The following WFS1 variants were observed in gnomAD, a reference collection of about 807,000 sequenced individuals.
WFS1 encodes wolframin ER transmembrane glycoprotein, also known as wolframin.
WFS1 carries 90 observed loss-of-function variants against 68.5 expected under a neutral mutation model. That is an observed-to-expected ratio of 1.31 (90% CI 1.11 to 1.56). The LOEUF (loss-of-function observed/expected upper bound fraction) is 1.56, where lower values mean the gene tolerates loss of function less well. WFS1 is among the 40% of genes most tolerant of loss of function. The pLI, the probability that WFS1 is intolerant of heterozygous loss-of-function variation, is 0.00. For missense variants in WFS1, 1,767 were observed against 1,232.6 expected, an observed-to-expected ratio of 1.43 and a Z score of -6.49; for synonymous variants, 860 against 540.7, an observed-to-expected ratio of 1.59 and a Z score of -8.19.
At chr4:6,288,697 A>T in intron 3 of WFS1, 3 of 464,892 alleles carry the variant, frequency 6.5e-6, no homozygotes, top group Non-Finnish European at 8.0e-6. Context: ...GAGCCTTGGC[A>T]GGCAGGAGCA....
intron 7 of WFS1, among the ~76,000 whole-genome samples, chr4:6,299,033 CCAGGCCCCTGGCA>C (rs1730743316): frequency 6.6e-6 from 1 of 152,236 alleles, no homozygotes; most frequent in Admixed American, 6.5e-5. Flanking sequence ...TGGTGTTGGT[CCAGGCCCCTGGCA>C]CTTCTGAAGA....
intron 6 of WFS1, chr4:6,294,625 C>G (rs1039019654): frequency 3.1e-6 from 1 of 319,846 alleles, no homozygotes; most frequent in Non-Finnish European, 6.2e-6. Context: ...TACTGCCCTA[C>G]AGGGCGGCTT....
chr4:6,292,143 G>C, intron 6 of WFS1, 146 bp downstream of exon 6: 2 of 836,078 alleles, frequency 2.4e-6, no homozygotes, highest in South Asian at 1.5e-5. Context: ...TCTCCTTCCT[G>C]TGCGACCCCA....
At chr4:6,282,959 C>T (rs991802398) in intron 2 of WFS1, among the ~76,000 whole-genome samples, 9 of 152,208 alleles carry the variant, frequency 5.9e-5, no homozygotes, top group Admixed American at 1.3e-4. Flanking sequence ...TACTGTCCAG[C>T]GTCGTAGTGG....
intron 7 of WFS1, among the ~76,000 whole-genome samples, chr4:6,298,937 G>A (rs1221997402): frequency 6.6e-6 from 1 of 152,246 alleles, no homozygotes; most frequent in South Asian, 2.1e-4. Flanking sequence ...CAGCCTGGAT[G>A]TGTCATGTAG....
rs1252460131 is a variant in WFS1, at chr4:6,301,878, G to A, written c.2083G>A (p.Gly695Ser). 3.1e-6 allele frequency: 5 copies of A among 1,612,896 alleles called. No homozygotes were observed. The highest frequency in any genetic ancestry group is 4.2e-6 in the Non-Finnish European group (5 of 1,179,814). The change falls in exon 8 of 8, where the codon GGC (glycine) becomes AGC (serine). Residue 695 changes from glycine (G) to serine (S), a missense_variant. Gly to Ser is a moderately conservative substitution (Grantham distance 56). Transcript: ENST00000226760. ...CCAGATCCTCTGCAGCCACCTGGAG[G>A]GCCACAGGGTCACGTGGACCGGCCG... ...RTQILCSHLE[G>S]HRVTWTGRFK...
intron 2 of WFS1, among the ~76,000 whole-genome samples, chr4:6,286,451 C>T (rs983976985): frequency 6.6e-6 from 1 of 152,200 alleles, no homozygotes; most frequent in Non-Finnish European, 1.5e-5. Context: ...TCTTGGACTT[C>T]CCAGTCTCCA....
In WFS1 at chr4:6,301,847, G is replaced by T. The variant is rs71539668; in HGVS notation, c.2052G>T (p.Ala684=). 1 of 1,612,974 alleles carries T rather than the reference G, an allele frequency of 6.2e-7. No homozygotes were observed. The highest frequency in any genetic ancestry group is 8.5e-7 in the Non-Finnish European group (1 of 1,179,950). ...GCGCCTGGAAGGAGACCAACATGGC[G>T]CGCACCCAGATCCTCTGCAGCCACC... ...GPRAWKETNM[A]RTQILCSHLE... Residue 684 remains alanine, a synonymous_variant, in exon 8 of 8, where the codon GCG becomes GCT. Transcript: ENST00000226760.
At chr4:6,295,854 C>T (rs546114107) in intron 7 of WFS1, among the ~76,000 whole-genome samples, 4 of 152,304 alleles carry the variant, frequency 2.6e-5, no homozygotes, top group East Asian at 1.9e-4. Flanking sequence ...TGGCCTCTCA[C>T]AGAGTTGCTC....
chr4:6,285,098 G>T (rs928269762), intron 2 of WFS1, among the ~76,000 whole-genome samples: 4 of 151,892 alleles, frequency 2.6e-5, no homozygotes, highest in South Asian at 4.2e-4. Context: ...TGCCATCTCT[G>T]AGCAGCGTCC....
At position 6,299,485 on chromosome 4, in the gene WFS1, TG is replaced by T. The variant is rs1458683619; in HGVS notation, c.862-1171del. Among the ~76,000 whole-genome samples, 80 of 143,072 alleles carry T rather than the reference TG, an allele frequency of 5.6e-4. 2 individuals carry two copies. The highest frequency in any genetic ancestry group is 2.0e-3 in the African/African-American group (71 of 36,394). The allele number at this position is 143,072 out of a possible 152,430, so 93.9% of individuals were successfully genotyped here. Reference sequence around the variant, plus strand: ...GTGAGGGTGCACGTGTGGGGGTGGGTGTGCACGTGTGTGTAGGGGTGGGTTG... The same window carrying T: ...GTGAGGGTGCACGTGTGGGGGTGGGTTGCACGTGTGTGTAGGGGTGGGTTG... On this transcript the variant is annotated intron_variant, in intron 7 of 7. Coordinates refer to ENST00000226760, the MANE Select transcript of WFS1 (RefSeq NM_006005.3).
intron 7 of WFS1, among the ~76,000 whole-genome samples, chr4:6,299,991 A>C (rs1451814230): frequency 6.6e-6 from 1 of 151,790 alleles, no homozygotes; most frequent in Non-Finnish European, 1.5e-5. Flanking sequence ...GTACGGGCAG[A>C]AGGTGGCCTG....
Position 6,292,724 on chromosome 4 carries a change from C to T in WFS1, c.712+727C>T, listed in dbSNP as rs538568321. 2.0e-5 allele frequency among the ~76,000 whole-genome samples: 3 copies of T among 152,256 alleles called. No individual in the cohort carries two copies. In the East Asian group the frequency reaches 5.8e-4, roughly 29 times the overall value. On this transcript the variant is annotated intron_variant, in intron 6 of 7. Coordinates refer to ENST00000226760, the MANE Select transcript of WFS1 (RefSeq NM_006005.3). ...ATCAATGGGGGGATGGGCCAAGACC[C>T]AGGTCTGCCACAGACTCTTCTTGTG...
rs759503452 is a variant in WFS1, at chr4:6,301,321, T to G, written c.1526T>G (p.Val509Gly). The G allele has an allele frequency of 5.6e-6, 9 of 1,611,674 alleles. No individual in the cohort carries two copies. The East Asian group carries it at 2.0e-4, about 36-fold the overall frequency. The change falls in exon 8 of 8, where the codon GTC becomes GGC. Residue 509 changes from valine (V) to glycine (G), a missense_variant. Val to Gly is a moderately radical substitution (Grantham distance 109). Coordinates refer to ENST00000226760, the MANE Select transcript of WFS1 (RefSeq NM_006005.3). ...LNVSVPCLLYVYLLYLFFRMA... is the reference protein window; with the variant it reads ...LNVSVPCLLYGYLLYLFFRMA... ...GTCAGCGTCCCGTGCCTGCTCTATG[T>G]CTACCTGCTCTATCTCTTCTTCCGC...
At chr4:6,285,300 G>A (rs1044022711) in intron 2 of WFS1, among the ~76,000 whole-genome samples, 10 of 151,260 alleles carry the variant, frequency 6.6e-5, no homozygotes, top group African/African-American at 1.2e-4. Context: ...AGCGAGAGGA[G>A]CCTCTAGGGA....
Position 6,277,619 on chromosome 4 carries a change from G to C in WFS1, c.164G>C (p.Arg55Thr). The stretch of plus-strand genomic sequence containing the variant: ...CAGGCTGGCCCTGGCCCTGGTGTTA[G>C]AGACGCAGCGGCCCCCGCTGAACCC... ...GPQAGPGPGV[R>T]DAAAPAEPQA... The change falls in exon 2 of 8, where the codon AGA becomes ACA. Residue 55 changes from arginine (R) to threonine (T), a missense_variant. Transcript: ENST00000226760. The C allele has an allele frequency of 6.4e-7, 1 of 1,573,094 alleles. No individual in the cohort carries two copies. The highest frequency in any genetic ancestry group is 1.2e-5 in the South Asian group (1 of 85,606).
chr4:6,273,774 T>G (rs1156734783), intron 1 of WFS1, among the ~76,000 whole-genome samples: 2 of 152,218 alleles, frequency 1.3e-5, no homozygotes, highest in African/African-American at 4.8e-5. Context: ...GACCAGGAAT[T>G]GTTGTGCTTG....
rs891571805 is a variant in WFS1 at position 6,269,870 on chromosome 4, C to T, written c.-150C>T. On this transcript the variant is annotated 5_prime_UTR_variant, in exon 1 of 8. Transcript: ENST00000226760. The stretch of plus-strand genomic sequence containing the variant: ...CCCTCGTGCAGAAGGCCGCGCTAGC[C>T]GGCTCTTCAGCAGCGAGTGCAGATT... 5 of 152,232 alleles carry T rather than the reference C, an allele frequency of 3.3e-5. No individual in the cohort carries two copies. Among genetic ancestry groups the T allele is most frequent in the Non-Finnish European group, 5.9e-5 (4 of 68,034 alleles). 9.4% of individuals were successfully genotyped at this position (152,232 alleles called of 1,614,324 possible).
At position 6,295,126 on chromosome 4, in the gene WFS1, GGAC is replaced by G. The variant is rs762860942; in HGVS notation, c.804_806del (p.Asp268del). ...TCATCCCCAGCAGCCTGTTCCTGCA[GGAC>G]GACGAAGATGATGACGAGCTGGCGG... On this transcript the variant is annotated inframe_deletion, in exon 7 of 8. Coordinates refer to ENST00000226760, the MANE Select transcript of WFS1 (RefSeq NM_006005.3). 3 of 1,613,306 alleles carry G rather than the reference GGAC, an allele frequency of 1.9e-6. No homozygotes were observed. In the South Asian group the frequency reaches 3.3e-5, roughly 18 times the overall value.
Sources: gnomAD v4.1 joint callset for allele counts (sites outside exome capture counted in the v4.1 genomes callset) on GRCh38, gnomAD v4.1.1 for gene constraint, MANE v1.5 for transcripts, NCBI Gene and HGNC (gene_info 2026-07-23, HGNC 2026-07-21) for gene names.